The following TPD52 variants were observed in gnomAD, a reference collection of about 807,000 sequenced individuals.
TPD52 encodes prostate and colon associated protein.
In TPD52, 17 loss-of-function variants were observed where a neutral mutation model predicts 31.3. The ratio of observed to expected loss-of-function variants is 0.54; its 90% CI spans 0.37 to 0.82. TPD52 has a LOEUF of 0.82. Among genes scored for constraint, TPD52 ranks in the 40% least tolerant of loss-of-function variants. The pLI is 0.00. For missense variants in TPD52, 212 were observed against 240.1 expected (o/e 0.88, Z 0.77); for synonymous variants, 83 against 89.6 (o/e 0.93, Z 0.42).
chr8:80,166,497 G>A (rs923766747), intron 1 of TPD52, among the ~76,000 whole-genome samples: 1 of 151,698 alleles, frequency 6.6e-6, no homozygotes, highest in African/African-American at 2.4e-5. Context: ...CTCCCAAAGT[G>A]CTGAGATTAC....
intron 1 of TPD52, among the ~76,000 whole-genome samples, chr8:80,115,540 G>C (rs540149160): frequency 1.3e-5 from 2 of 152,220 alleles, no homozygotes; most frequent in South Asian, 2.1e-4. Context: ...AGGGAGGCAA[G>C]AGAGGAATGG....
At chr8:80,094,911 CT>C (rs528520397) in intron 1 of TPD52, among the ~76,000 whole-genome samples, 162 of 152,110 alleles carry the variant, frequency 1.1e-3, no homozygotes, top group Non-Finnish European at 1.9e-3. Flanking sequence ...AGAGGAAGCC[CT>C]GGGAGAGGCA....
chr8:80,079,167 C>G (rs1814941909), intron 1 of TPD52, among the ~76,000 whole-genome samples: 1 of 152,130 alleles, frequency 6.6e-6, no homozygotes, highest in Non-Finnish European at 1.5e-5. Flanking sequence ...GGGGGCTGGG[C>G]AAAGGGGGAG....
At chr8:80,150,510 C>T (rs572181843) in intron 1 of TPD52, among the ~76,000 whole-genome samples, 34 of 152,316 alleles carry the variant, frequency 2.2e-4, no homozygotes, top group African/African-American at 7.5e-4. Flanking sequence ...CCTGGAAAAG[C>T]CACAGACACT....
chr8:80,105,963 T>C (rs6473200), intron 1 of TPD52, among the ~76,000 whole-genome samples: 97,404 of 151,908 alleles, frequency 0.64, 32,626 homozygotes, highest in African/African-American at 0.84. Context: ...AAAATCTTAA[T>C]CTCAGAGCAA....
At chr8:80,055,883 AT>A (rs974330004) in intron 2 of TPD52, among the ~76,000 whole-genome samples, 1 of 152,224 alleles carries the variant, frequency 6.6e-6, no homozygotes, top group Non-Finnish European at 1.5e-5. Flanking sequence ...AAACCAAAAA[AT>A]AACAGATGCT....
intron 1 of TPD52, among the ~76,000 whole-genome samples, chr8:80,100,032 CA>C (rs1189167650): frequency 6.6e-6 from 1 of 152,202 alleles, no homozygotes; most frequent in Non-Finnish European, 1.5e-5. Flanking sequence ...GCATGGGCCC[CA>C]GCATCTTCTC....
In TPD52 at chr8:80,114,304, A is replaced by G. The variant is rs571013085; in HGVS notation, c.20-49711T>C. Reference sequence around the variant, plus strand: ...ACCTCCACCTATACACCCATTCCCCACTACCCTACTTTTTAAATTTTTTCA... The same window carrying G: ...ACCTCCACCTATACACCCATTCCCCGCTACCCTACTTTTTAAATTTTTTCA... On this transcript the variant is annotated intron_variant, in intron 1 of 7. Coordinates refer to ENST00000518937, the MANE Select transcript of TPD52 (RefSeq NM_001025253.3). 9.9e-5 allele frequency among the ~76,000 whole-genome samples: 15 copies of G among 152,198 alleles called. No individual in the cohort carries two copies. The South Asian group carries it at 3.1e-3, about 32-fold the overall frequency.
intron 7 of TPD52, 48 bp from the exon 8 acceptor site, chr8:80,038,283 T>C: frequency 6.3e-7 from 1 of 1,597,942 alleles, no homozygotes; most frequent in South Asian, 1.1e-5. Context: ...AACATAAAAC[T>C]AGCTGATTCT....
At chr8:80,124,136 A>G (rs1808440374) in intron 1 of TPD52, among the ~76,000 whole-genome samples, 1 of 151,084 alleles carries the variant, frequency 6.6e-6, no homozygotes, top group South Asian at 2.1e-4. Flanking sequence ...GTAGCCAAAG[A>G]AGGGGTTATC....
intron 1 of TPD52, among the ~76,000 whole-genome samples, chr8:80,069,677 GT>G (rs5892704): frequency 1.5e-4 from 23 of 151,314 alleles, no homozygotes; most frequent in Middle Eastern, 3.4e-3. Flanking sequence ...GATAAAGCAG[GT>G]TTTTTTTTAG....
At chr8:80,150,212 T>C (rs1810475452) in intron 1 of TPD52, among the ~76,000 whole-genome samples, 1 of 152,234 alleles carries the variant, frequency 6.6e-6, no homozygotes, top group Non-Finnish European at 1.5e-5. Flanking sequence ...CTTGGCAGCT[T>C]CCACCTGGTG....
At chr8:80,095,513 TTAA>T (rs1816660948) in intron 1 of TPD52, among the ~76,000 whole-genome samples, 2 of 152,152 alleles carry the variant, frequency 1.3e-5, no homozygotes, top group South Asian at 4.1e-4. Flanking sequence ...CAGACTTTAG[TTAA>T]TAATAATGTC....
At chr8:80,084,873 G>T (rs533838186) in intron 1 of TPD52, among the ~76,000 whole-genome samples, 53 of 152,186 alleles carry the variant, frequency 3.5e-4, no homozygotes, top group African/African-American at 1.3e-3. Context: ...TAGTATACAT[G>T]CAAGGGACAT....
intron 1 of TPD52, among the ~76,000 whole-genome samples, chr8:80,164,011 TG>T (rs1811535715): frequency 8.8e-6 from 1 of 113,546 alleles, no homozygotes; most frequent in Non-Finnish European, 1.7e-5. Flanking sequence ...AAATTCTAAC[TG>T]TGAGAGAGAG....
rs537143464 is a variant in TPD52, at chr8:80,034,748, A to G, written c.*3368T>C. 1.3e-5 allele frequency: 2 copies of G among 152,338 alleles called. No individual in the cohort carries two copies. The highest frequency in any genetic ancestry group is 2.9e-5 in the Non-Finnish European group (2 of 68,026). The allele number at this position is 152,338 out of a possible 1,614,324, so 9.4% of individuals were successfully genotyped here. ...GTAAAGTGAAAGATCACGTCCATTT[A>G]CAAATATTCAAACAAAACTGTATTT... On this transcript the variant is annotated 3_prime_UTR_variant, in exon 8 of 8. Transcript: ENST00000518937.
At chr8:80,042,720 C>CAGTTTTT (rs1289355225) in intron 6 of TPD52, 52 bp from the exon 7 acceptor site, 2 of 1,522,756 alleles carry the variant, frequency 1.3e-6, no homozygotes, top group Non-Finnish European at 1.8e-6. Context: ...GAAAAAAAAT[C>CAGTTTTT]CAACTAGTTT....
intron 1 of TPD52, among the ~76,000 whole-genome samples, chr8:80,135,462 G>A (rs2131106630): frequency 6.6e-6 from 1 of 152,118 alleles, no homozygotes; most frequent in Admixed American, 6.5e-5. Context: ...CTGACAAAGA[G>A]GAAGCCTGAA....
At chr8:80,150,845 A>C (rs1464318671) in intron 1 of TPD52, among the ~76,000 whole-genome samples, 1 of 152,166 alleles carries the variant, frequency 6.6e-6, no homozygotes, top group Non-Finnish European at 1.5e-5. Context: ...CTTGTCTCAG[A>C]TGAGACTTTA....
Sources: gnomAD v4.1 joint callset for allele counts (sites outside exome capture counted in the v4.1 genomes callset) on GRCh38, gnomAD v4.1.1 for gene constraint, MANE v1.5 for transcripts, NCBI Gene and HGNC (gene_info 2026-07-23, HGNC 2026-07-21) for gene names.